The following AK9 variants were observed in gnomAD, a reference collection of about 807,000 sequenced individuals.
AK9 encodes adenylate kinase 9.
In AK9, 191 loss-of-function variants were observed where a neutral mutation model predicts 239.6. That is an observed-to-expected ratio of 0.80 (90% CI 0.71 to 0.90). AK9 has a LOEUF of 0.90. Among genes scored for constraint, AK9 ranks in the 40% least tolerant of loss-of-function variants. The pLI, the probability that AK9 is intolerant of heterozygous loss-of-function variation, is 0.00. For missense variants in AK9, 1,995 were observed against 2,214.7 expected (o/e 0.90, Z 1.99); for synonymous variants, 689 against 721.0 (o/e 0.96, Z 0.71).
chr6:109,598,277 T>C (rs936845142), intron 17 of AK9, among the ~76,000 whole-genome samples: 7 of 144,936 alleles, frequency 4.8e-5, no homozygotes, highest in African/African-American at 7.9e-5. Flanking sequence ...CCTGTGTCCA[T>C]GTGTTCTCAT....
At chr6:109,494,859 AT>A (rs1776876377) in intron 39 of AK9, among the ~76,000 whole-genome samples, 1 of 136,254 alleles carries the variant, frequency 7.3e-6, no homozygotes, top group Admixed American at 6.9e-5. Context: ...ACTTGGATAA[AT>A]AAAGTATAAC....
intron 20 of AK9, among the ~76,000 whole-genome samples, chr6:109,573,833 A>G (rs1787729454): frequency 6.6e-6 from 1 of 152,194 alleles, no homozygotes; most frequent in Non-Finnish European, 1.5e-5. Context: ...GGGTTCATTC[A>G]AAAATGAAAT....
At chr6:109,507,856 TGGCCAATCCCAGC>T (rs1355856382) in intron 33 of AK9, among the ~76,000 whole-genome samples, 1 of 152,246 alleles carries the variant, frequency 6.6e-6, no homozygotes, top group Non-Finnish European at 1.5e-5. Flanking sequence ...AACTGAGTCC[TGGCCAATCCCAGC>T]GGCCATACTT....
At chr6:109,658,857 T>G (rs1344370885) in intron 7 of AK9, among the ~76,000 whole-genome samples, 2 of 152,124 alleles carry the variant, frequency 1.3e-5, no homozygotes, top group African/African-American at 4.8e-5. Context: ...TTACCCAGTT[T>G]CAGGTATTCT....
intron 29 of AK9, among the ~76,000 whole-genome samples, chr6:109,524,844 C>T (rs796738980): frequency 2.6e-5 from 4 of 152,150 alleles, no homozygotes; most frequent in African/African-American, 9.6e-5. Context: ...CTAGACAGTT[C>T]TAAGGTTTTT....
At chr6:109,652,226 C>T (rs1799070361) in intron 8 of AK9, among the ~76,000 whole-genome samples, 1 of 152,182 alleles carries the variant, frequency 6.6e-6, no homozygotes, top group Non-Finnish European at 1.5e-5. Flanking sequence ...TGGCTTCATC[C>T]CTGGGATGCA....
Position 109,610,406 on chromosome 6 carries a change from A to G in AK9, c.1801T>C (p.Tyr601His). ...MSQDINFEQP[Y>H]EKHAEILQEV... Reference sequence around the variant, plus strand: ...TGTAAGATTTCAGCATGTTTTTCATATGGCTGTTCAAAGTTTATATCCTGT... The same window carrying G: ...TGTAAGATTTCAGCATGTTTTTCATGTGGCTGTTCAAAGTTTATATCCTGT... The change falls in exon 17 of 41, where the codon TAT (tyrosine) becomes CAT (histidine). Residue 601 changes from tyrosine (Y) to histidine (H), a missense_variant. By Grantham distance (83) the Tyr-to-His change is moderately conservative. Coordinates refer to ENST00000424296, the MANE Select transcript of AK9 (RefSeq NM_001145128.3). 6.4e-7 allele frequency: 1 copy of G among 1,551,658 alleles called. No individual in the cohort carries two copies. Among genetic ancestry groups the G allele is most frequent in the Non-Finnish European group, 8.7e-7 (1 of 1,146,904 alleles).
intron 1 of AK9, among the ~76,000 whole-genome samples, chr6:109,677,292 A>C (rs1771899454): frequency 1.3e-5 from 2 of 152,180 alleles, no homozygotes; most frequent in African/African-American, 4.8e-5. Context: ...TAAAAATAGT[A>C]ATTTTCTTTC....
At chr6:109,643,341 G>T (rs1797680222) in intron 9 of AK9, among the ~76,000 whole-genome samples, 1 of 152,104 alleles carries the variant, frequency 6.6e-6, no homozygotes, top group African/African-American at 2.4e-5. Context: ...CCAGAAATCT[G>T]GGCATTATAT....
intron 27 of AK9, among the ~76,000 whole-genome samples, 173 bp downstream of exon 27, chr6:109,541,874 G>A (rs1782939960): frequency 6.6e-6 from 1 of 152,122 alleles, no homozygotes; most frequent in South Asian, 2.1e-4. Context: ...CCTGCAATCG[G>A]TATTTTTAAA....
At chr6:109,623,971 G>A (rs542728888) in intron 12 of AK9, among the ~76,000 whole-genome samples, 1 of 149,944 alleles carries the variant, frequency 6.7e-6, no homozygotes, top group African/African-American at 2.5e-5. Flanking sequence ...AAAATAATAT[G>A]CATTATTCAT....
intron 29 of AK9, chr6:109,528,180 T>C: frequency 3.6e-6 from 1 of 278,838 alleles, no homozygotes; most frequent in Non-Finnish European, 7.0e-6. Flanking sequence ...ACATTTGAAG[T>C]GATTCAGAAG....
chr6:109,604,128 T>C (rs868051648), intron 17 of AK9, among the ~76,000 whole-genome samples: 4 of 152,228 alleles, frequency 2.6e-5, no homozygotes, highest in East Asian at 1.9e-4. Flanking sequence ...AGTACCTCAG[T>C]TGGAAATGCG....
chr6:109,672,887 A>G (rs770874353), intron 3 of AK9, among the ~76,000 whole-genome samples: 2 of 152,234 alleles, frequency 1.3e-5, no homozygotes, highest in East Asian at 1.9e-4. Flanking sequence ...TTTCATAACC[A>G]TACAATTACA....
chr6:109,551,517 CAA>C (rs34978650), intron 24 of AK9, among the ~76,000 whole-genome samples: 197 of 123,786 alleles, frequency 1.6e-3, no homozygotes, highest in South Asian at 0.012. Context: ...GACTCCATCT[CAA>C]AAAAAAAAAA....
chr6:109,619,220 T>C lies in AK9; in HGVS notation c.1271A>G (p.Gln424Arg). ...NYKGKVVDYA[Q>R]LVQPRFDKAR... ...TTTATCAAAACGTGGCTGAACAAGT[T>C]GGGCATAGTCGACTACCTGCAAAGA... is the stretch of plus-strand genomic sequence containing the variant. The change falls in exon 13 of 41, where the codon CAA becomes CGA. Residue 424 changes from glutamine to arginine, a missense_variant. By Grantham distance (43) the Gln-to-Arg change is conservative. Transcript: ENST00000424296. 1 of 1,547,314 alleles carries C rather than the reference T, an allele frequency of 6.5e-7. No homozygotes were observed. The highest frequency in any genetic ancestry group is 8.7e-7 in the Non-Finnish European group (1 of 1,145,628).
chr6:109,519,653 A>G (rs1779630641), intron 29 of AK9, among the ~76,000 whole-genome samples: 1 of 152,074 alleles, frequency 6.6e-6, no homozygotes, highest in African/African-American at 2.4e-5. Flanking sequence ...ATAAAAAAAT[A>G]GCTAACTGTG....
chr6:109,578,312 G>A (rs374939061), intron 20 of AK9, among the ~76,000 whole-genome samples: 16 of 149,620 alleles, frequency 1.1e-4, no homozygotes, highest in African/African-American at 2.7e-4. Context: ...CAAGTGATCC[G>A]CCCTCCTCAG....
chr6:109,592,516 G>A (rs939979499), intron 17 of AK9, among the ~76,000 whole-genome samples: 2 of 142,118 alleles, frequency 1.4e-5, no homozygotes, highest in South Asian at 2.2e-4. Flanking sequence ...GCACTATCTC[G>A]GCTCACTGCA....
Sources: gnomAD v4.1 joint callset for allele counts (sites outside exome capture counted in the v4.1 genomes callset) on GRCh38, gnomAD v4.1.1 for gene constraint, MANE v1.5 for transcripts, NCBI Gene and HGNC (gene_info 2026-07-23, HGNC 2026-07-21) for gene names.